Variants in SCYL2 observed in about 807,000 individuals in gnomAD.
SCYL2 encodes the protein SCY1-like protein 2.
A neutral mutation model predicts 100.4 loss-of-function variants in SCYL2; 36 were observed. The ratio of observed to expected loss-of-function variants is 0.36; its 90% CI spans 0.27 to 0.47. SCYL2 has a LOEUF of 0.47. Ranked by LOEUF, SCYL2 falls within the 20% of genes least tolerant of loss-of-function variation. The pLI, the probability that SCYL2 is intolerant of heterozygous loss-of-function variation, is 1.00. For synonymous variants in SCYL2, 330 were observed against 359.2 expected (o/e 0.92, Z 0.92); for missense variants, 902 against 1,083.9 (o/e 0.83, Z 2.36).
intron 2 of SCYL2, among the ~76,000 whole-genome samples, chr12:100,289,283 GGT>G (rs1680921509): frequency 6.6e-6 from 1 of 152,092 alleles, no homozygotes; most frequent in South Asian, 2.1e-4. Flanking sequence ...GTTTTGCTTT[GGT>G]GTTCCGTATT....
intron 9 of SCYL2, among the ~76,000 whole-genome samples, chr12:100,316,034 A>G (rs2096348260): frequency 6.6e-6 from 1 of 152,254 alleles, no homozygotes; most frequent in South Asian, 2.1e-4. Context: ...CTTTGTAGAA[A>G]GTTACAGGTT....
Position 100,311,144 on chromosome 12 carries a change from T to C in SCYL2, c.581T>C (p.Ile194Thr), listed in dbSNP as rs1317727814. The part of the protein sequence containing the change: ...IILNKSGAWK[I>T]MGFDFCVSST... ...TTGAATAAAAGTGGAGCCTGGAAAA[T>C]AATGGGTTTTGATTTTTGTGTATCA... Residue 194 changes from isoleucine to threonine, a missense_variant, in exon 5 of 18, where the codon ATA becomes ACA. Physicochemically the swap from Ile to Thr is moderately conservative, Grantham distance 89. Transcript: ENST00000360820. 1.2e-6 allele frequency: 2 copies of C among 1,609,846 alleles called. No individual in the cohort carries two copies. Among genetic ancestry groups the C allele is most frequent in the Non-Finnish European group, 1.7e-6 (2 of 1,178,664 alleles).
chr12:100,317,958 G>T lies in SCYL2; in HGVS notation c.1395+33G>T, dbSNP rs1338017657. 10 of 1,516,328 alleles carry T rather than the reference G, an allele frequency of 6.6e-6. No homozygotes were observed. In the East Asian group the frequency reaches 1.6e-4, roughly 25 times the overall value. 93.9% of individuals were successfully genotyped at this position (1,516,328 alleles called of 1,614,324 possible). A position where few individuals can be genotyped will look rare whatever the true frequency, so the allele number is the denominator to read the frequency against. On this transcript the variant is annotated intron_variant, in intron 10 of 17. Transcript: ENST00000360820. ...ATCTGATTTGTTTTTCTTTAATGAT[G>T]ATTTTGATTCTTAAAGCAGAAGAAG...
At position 100,341,529 on chromosome 12, in the gene SCYL2, TTTTG is replaced by T. The variant is rs974503178; in HGVS notation, c.*2365_*2368del. 49 of 152,330 alleles carry T rather than the reference TTTTG, an allele frequency of 3.2e-4. No homozygotes were observed. The highest frequency in any genetic ancestry group is 1.2e-3 in the African/African-American group (49 of 41,574). 9.4% of individuals were successfully genotyped at this position (152,330 alleles called of 1,614,324 possible). A position where few individuals can be genotyped will look rare whatever the true frequency, so the allele number is the denominator to read the frequency against. On this transcript the variant is annotated 3_prime_UTR_variant, in exon 18 of 18. Transcript: ENST00000360820. ...GAAATAGACTATGTACTTGTCTGGTTTTTGTTTGTTTTTATTTTGGAATGCTTAT... is the reference window on the plus strand; with the variant it reads ...GAAATAGACTATGTACTTGTCTGGTTTTTGTTTTTATTTTGGAATGCTTAT...
At chr12:100,268,354 G>A (rs2096282290) in intron 1 of SCYL2, among the ~76,000 whole-genome samples, 3 of 152,144 alleles carry the variant, frequency 2.0e-5, no homozygotes, top group Admixed American at 1.3e-4. Context: ...TCTGGTGATG[G>A]CTTGAAAGTC....
intron 2 of SCYL2, among the ~76,000 whole-genome samples, chr12:100,285,166 A>C (rs1449851098): frequency 3.3e-5 from 5 of 152,222 alleles, no homozygotes; most frequent in African/African-American, 1.2e-4. Context: ...AATAAAAAAA[A>C]CACTGCTAAT....
chr12:100,313,609 T>C, intron 7 of SCYL2, 71 bp downstream of exon 7: 1 of 815,246 alleles, frequency 1.2e-6, no homozygotes, highest in Non-Finnish European at 2.0e-6. Flanking sequence ...AGTTTTTGGG[T>C]TTTAAAAAAA....
intron 4 of SCYL2, among the ~76,000 whole-genome samples, chr12:100,307,323 C>T (rs1164021257): frequency 6.6e-6 from 1 of 152,034 alleles, no homozygotes; most frequent in African/African-American, 2.4e-5. Flanking sequence ...AGAACAGAGG[C>T]CTCAGAAACA....
chr12:100,298,189 T>A lies in SCYL2; in HGVS notation c.480+14T>A. On this transcript the variant is annotated intron_variant, in intron 4 of 17. Transcript: ENST00000360820. ...GGTTTGCTTCAGGTATGTATTTTTA[T>A]TCATCATGTAAAAAAGAGTTGTTTC... is the stretch of plus-strand genomic sequence containing the variant. 1 of 1,496,364 alleles carries A rather than the reference T, an allele frequency of 6.7e-7. No individual in the cohort carries two copies. The highest frequency in any genetic ancestry group is 2.5e-5 in the East Asian group (1 of 40,708). 92.7% of individuals were successfully genotyped at this position (1,496,364 alleles called of 1,614,324 possible).
chr12:100,268,431 A>G (rs540079365), intron 1 of SCYL2, among the ~76,000 whole-genome samples: 5 of 152,194 alleles, frequency 3.3e-5, no homozygotes, highest in Non-Finnish European at 5.9e-5. Flanking sequence ...CTTATTCTTT[A>G]GCACAAATAT....
intron 8 of SCYL2, among the ~76,000 whole-genome samples, chr12:100,315,256 G>C (rs147343532): frequency 1.2e-3 from 183 of 152,286 alleles, no homozygotes; most frequent in African/African-American, 4.4e-3. Flanking sequence ...GGTATGAATC[G>C]TAAGTAATGA....
intron 2 of SCYL2, among the ~76,000 whole-genome samples, chr12:100,286,128 G>A (rs781676863): frequency 3.3e-5 from 5 of 152,050 alleles, no homozygotes; most frequent in Non-Finnish European, 7.4e-5. Flanking sequence ...TCTCAGCTAT[G>A]TCCCTAGTGC....
rs190606225 is a variant in SCYL2 at position 100,325,363 on chromosome 12, G to A, written c.1510-1259G>A. The stretch of plus-strand genomic sequence containing the variant: ...TTTCTTTTTAAGATGCCAACTGGCC[G>A]TTAAGGCATGTTGTTTACAAGAAGT... On this transcript the variant is annotated intron_variant, in intron 11 of 17. Coordinates refer to ENST00000360820, the MANE Select transcript of SCYL2 (RefSeq NM_017988.6). 6.8e-4 allele frequency among the ~76,000 whole-genome samples: 103 copies of A among 152,322 alleles called. 3 individuals are homozygous for A. Among genetic ancestry groups the A allele is most frequent in the Middle Eastern group, 3.4e-3 (1 of 294 alleles).
At position 100,338,989 on chromosome 12, in the gene SCYL2, A is replaced by G; in HGVS notation, c.2607A>G (p.Val869=). Residue 869 remains valine, a synonymous_variant, in exon 18 of 18, where the codon GTA becomes GTG. Coordinates refer to ENST00000360820, the MANE Select transcript of SCYL2 (RefSeq NM_017988.6). ...QKPNQWLNQF[V]PPQGSPTMGS... ...CAAATCAGTGGCTTAATCAGTTTGT[A>G]CCTCCTCAAGGTTCTCCAACTATGG... is the stretch of plus-strand genomic sequence containing the variant. The G allele has an allele frequency of 6.2e-7, 1 of 1,614,112 alleles. No individual in the cohort carries two copies. Among genetic ancestry groups the G allele is most frequent in the East Asian group, 2.2e-5 (1 of 44,878 alleles).
At chr12:100,337,848 T>C (rs1289420461) in intron 17 of SCYL2, among the ~76,000 whole-genome samples, 1 of 152,192 alleles carries the variant, frequency 6.6e-6, no homozygotes, top group African/African-American at 2.4e-5. Context: ...GCTGAAGTTA[T>C]TTTCTGTGTT....
intron 16 of SCYL2, among the ~76,000 whole-genome samples, chr12:100,336,414 C>CCA (rs150484970): frequency 0.017 from 2,562 of 152,242 alleles, 69 homozygotes; most frequent in African/African-American, 0.058. Context: ...CTTTTATAGT[C>CCA]CATCAGATTT....
chr12:100,334,013 G>A (rs1402846935), intron 13 of SCYL2, 153 bp from the exon 14 acceptor site: 1 of 530,556 alleles, frequency 1.9e-6, no homozygotes, highest in African/African-American at 1.9e-5. Flanking sequence ...GAATTTAAAT[G>A]TATCATTCTT....
chr12:100,323,876 G>T, intron 11 of SCYL2: 1 of 257,854 alleles, frequency 3.9e-6, no homozygotes, highest in Middle Eastern at 4.0e-4. Context: ...AAAAAGTTGG[G>T]TGATTATTTT....
At chr12:100,300,660 A>C (rs1204978432) in intron 4 of SCYL2, among the ~76,000 whole-genome samples, 2 of 152,092 alleles carry the variant, frequency 1.3e-5, no homozygotes, top group African/African-American at 4.8e-5. Flanking sequence ...TGCCCTTCCC[A>C]GCCTCTGGTA....
Sources: gnomAD v4.1 joint callset for allele counts (sites outside exome capture counted in the v4.1 genomes callset) on GRCh38, gnomAD v4.1.1 for gene constraint, MANE v1.5 for transcripts, NCBI Gene and HGNC (gene_info 2026-07-23, HGNC 2026-07-21) for gene names.